Variants in ADAMTSL1 observed in about 807,000 individuals in gnomAD.
The protein encoded by ADAMTSL1 is ADAMTS like 1.
In ADAMTSL1, 126 loss-of-function variants were observed where a neutral mutation model predicts 201.8. The ratio of observed to expected loss-of-function variants is 0.62; its 90% confidence interval spans 0.54 to 0.72. The LOEUF (loss-of-function observed/expected upper bound fraction) is 0.72. Among genes scored for constraint, ADAMTSL1 ranks in the 30% least tolerant of loss-of-function variants. ADAMTSL1 has a pLI of 0.00. For missense variants in ADAMTSL1, 2,679 were observed against 2,277.8 expected, an observed-to-expected ratio of 1.18 and a Z score of -3.59; for synonymous variants, 1,121 against 903.4, an observed-to-expected ratio of 1.24 and a Z score of -4.32.
chr9:18,759,384 C>CA (rs1425418732), intron 16 of ADAMTSL1, among the ~76,000 whole-genome samples: 1 of 152,176 alleles, frequency 6.6e-6, no homozygotes, highest in Non-Finnish European at 1.5e-5. Context: ...AACATACATA[C>CA]ATACCTTCAA....
intron 1 of ADAMTSL1, among the ~76,000 whole-genome samples, chr9:18,498,385 G>C (rs1236939626): frequency 6.9e-6 from 1 of 145,328 alleles, no homozygotes; most frequent in Admixed American, 7.1e-5. Context: ...TGCCCAGGCT[G>C]GAGTGCATTG....
chr9:18,167,239 G>T (rs1483548534), intron 2 of ADAMTSL1, among the ~76,000 whole-genome samples: 1 of 151,916 alleles, frequency 6.6e-6, no homozygotes, highest in Admixed American at 6.6e-5. Flanking sequence ...AAAGAATGAG[G>T]TTTTCTTCAG....
chr9:18,579,749 C>G (rs1441293957), intron 4 of ADAMTSL1, among the ~76,000 whole-genome samples: 1 of 152,140 alleles, frequency 6.6e-6, no homozygotes, highest in African/African-American at 2.4e-5. Context: ...AACTCCTGAT[C>G]CAGGGCAGTG....
intron 2 of ADAMTSL1, among the ~76,000 whole-genome samples, chr9:18,456,436 T>C (rs1260254940): frequency 6.6e-6 from 1 of 152,164 alleles, no homozygotes; most frequent in East Asian, 1.9e-4. Context: ...TTTTGGAATA[T>C]ATAAAATCTC....
chr9:18,725,291 AG>A (rs1486337058), intron 15 of ADAMTSL1, among the ~76,000 whole-genome samples: 1 of 152,210 alleles, frequency 6.6e-6, no homozygotes, highest in Non-Finnish European at 1.5e-5. Flanking sequence ...TAGAAAAGAG[AG>A]GGACAGATGG....
chr9:18,211,147 A>T (rs775656828), intron 2 of ADAMTSL1, among the ~76,000 whole-genome samples: 1 of 152,108 alleles, frequency 6.6e-6, no homozygotes, highest in Non-Finnish European at 1.5e-5. Flanking sequence ...TTTATTTTCT[A>T]TCTCCTTTTC....
intron 2 of ADAMTSL1, among the ~76,000 whole-genome samples, chr9:18,221,439 T>A (rs1213039877): frequency 1.3e-5 from 2 of 152,198 alleles, no homozygotes; most frequent in Admixed American, 6.5e-5. Context: ...TGTTGAAACA[T>A]CTTATTTATC....
intron 1 of ADAMTSL1, among the ~76,000 whole-genome samples, chr9:18,006,077 C>G (rs1414233867): frequency 6.6e-6 from 1 of 151,704 alleles, no homozygotes; most frequent in East Asian, 1.9e-4. Context: ...ATTTGAACAA[C>G]CACCACTCGG....
In ADAMTSL1 at chr9:18,658,302, A is replaced by G. The variant is rs905244710; in HGVS notation, c.946+552A>G. Among the ~76,000 whole-genome samples, 49 of 152,238 alleles carry G rather than the reference A, an allele frequency of 3.2e-4. 1 individual carries two copies. Among genetic ancestry groups the G allele is most frequent in the African/African-American group, 1.2e-3 (49 of 41,538 alleles). On this transcript the variant is annotated intron_variant, in intron 8 of 28. Coordinates refer to ENST00000380548, the MANE Select transcript of ADAMTSL1 (RefSeq NM_001040272.6). ...GAAACAGTCTTTACTTCTCTCCTTGATTTTGTAGAAGGCCAGAGCTAGAAA... is the reference window on the plus strand; with the variant it reads ...GAAACAGTCTTTACTTCTCTCCTTGGTTTTGTAGAAGGCCAGAGCTAGAAA...
At chr9:18,763,105 C>G (rs555819354) in intron 16 of ADAMTSL1, among the ~76,000 whole-genome samples, 7 of 152,308 alleles carry the variant, frequency 4.6e-5, no homozygotes, top group Non-Finnish European at 5.9e-5. Context: ...AGTGGTTGTA[C>G]TAATTTACAT....
intron 2 of ADAMTSL1, among the ~76,000 whole-genome samples, chr9:18,207,040 C>T (rs1470717861): frequency 6.6e-6 from 1 of 152,092 alleles, no homozygotes; most frequent in African/African-American, 2.4e-5. Flanking sequence ...TGGTGCATGC[C>T]TGTAATCCCA....
At chr9:18,297,209 T>C (rs1833509988) in intron 2 of ADAMTSL1, among the ~76,000 whole-genome samples, 1 of 152,174 alleles carries the variant, frequency 6.6e-6, no homozygotes, top group Admixed American at 6.5e-5. Flanking sequence ...TGCAGATTAC[T>C]GGGGATTGCC....
At chr9:18,224,829 A>G (rs950324146) in intron 2 of ADAMTSL1, among the ~76,000 whole-genome samples, 1 of 152,138 alleles carries the variant, frequency 6.6e-6, no homozygotes, top group African/African-American at 2.4e-5. Flanking sequence ...TGACAGTCTC[A>G]TAACTTCACC....
At chr9:18,543,219 A>G (rs1420726168) in intron 3 of ADAMTSL1, among the ~76,000 whole-genome samples, 1 of 152,226 alleles carries the variant, frequency 6.6e-6, no homozygotes, top group Non-Finnish European at 1.5e-5. Flanking sequence ...TAAACTCATT[A>G]TAGGACATTG....
chr9:18,508,494 GTCT>G (rs1193786047), intron 2 of ADAMTSL1, among the ~76,000 whole-genome samples: 1 of 152,128 alleles, frequency 6.6e-6, no homozygotes, highest in East Asian at 1.9e-4. Flanking sequence ...AAGTGTAGTT[GTCT>G]TCATTATCTT....
chr9:18,519,279 A>G (rs1183498682), intron 2 of ADAMTSL1, among the ~76,000 whole-genome samples: 2 of 152,216 alleles, frequency 1.3e-5, no homozygotes. Context: ...CCTTGCACAG[A>G]GTAGGTATCT....
intron 13 of ADAMTSL1, among the ~76,000 whole-genome samples, chr9:18,690,498 C>T (rs937567312): frequency 1.3e-4 from 20 of 151,940 alleles, no homozygotes; most frequent in Non-Finnish European, 2.9e-4. Flanking sequence ...AATCTCAGGC[C>T]ACAGAAAAGT....
intron 23 of ADAMTSL1, 87 bp from the exon 24 acceptor site, chr9:18,887,744 C>G (rs911008873): frequency 8.1e-7 from 1 of 1,229,840 alleles, no homozygotes; most frequent in Non-Finnish European, 1.2e-6. Context: ...TGTACAATTT[C>G]TAGAGCCACA....
intron 2 of ADAMTSL1, among the ~76,000 whole-genome samples, chr9:18,372,945 C>G (rs1039952809): frequency 2.0e-5 from 3 of 152,172 alleles, no homozygotes; most frequent in Admixed American, 2.0e-4. Flanking sequence ...TGAAGCCACA[C>G]CATAAAGAAG....
Sources: allele counts gnomAD v4.1 joint callset (sites outside exome capture counted in the v4.1 genomes callset), GRCh38; gene constraint gnomAD v4.1.1; transcripts MANE v1.5; gene names NCBI Gene and HGNC (gene_info 2026-07-23, HGNC 2026-07-21).